Variants in STX7 observed in about 807,000 individuals in gnomAD.
STX7 encodes syntaxin 7.
Under a neutral mutation model 39.6 loss-of-function variants are expected in STX7, and 34 were observed. That is an observed-to-expected ratio of 0.86 (90% CI 0.65 to 1.14). The LOEUF (loss-of-function observed/expected upper bound fraction) is 1.14, where lower values mean the gene tolerates loss of function less well. Among genes scored for constraint, STX7 ranks in the 50% most tolerant of loss-of-function variants. The pLI, the probability that STX7 is intolerant of heterozygous loss-of-function variation, is 0.00. For synonymous variants in STX7, 119 were observed against 99.1 expected, an observed-to-expected ratio of 1.20 and a Z score of -1.19; for missense variants, 284 against 310.4, an observed-to-expected ratio of 0.92 and a Z score of 0.64.
chr6:132,465,359 C>T (rs915461493), intron 8 of STX7, among the ~76,000 whole-genome samples: 2 of 152,166 alleles, frequency 1.3e-5, no homozygotes, highest in African/African-American at 4.8e-5. Flanking sequence ...GATCCTACCA[C>T]TTCTTCACTG....
intron 2 of STX7, among the ~76,000 whole-genome samples, chr6:132,499,830 CTTAGATATCTAAATGATATCTCAAA>C (rs1305247954): frequency 6.6e-6 from 1 of 152,220 alleles, no homozygotes; most frequent in East Asian, 1.9e-4. Context: ...GATATCTCCA[CTTAGATATCTAAATGATATCTCAAA>C]ATATACTTAG....
chr6:132,483,917 C>G (rs768520944), intron 2 of STX7, among the ~76,000 whole-genome samples: 31 of 152,144 alleles, frequency 2.0e-4, no homozygotes, highest in Non-Finnish European at 4.3e-4. Flanking sequence ...ACTTCATTAT[C>G]TAGCCTTAGG....
intron 1 of STX7, among the ~76,000 whole-genome samples, chr6:132,507,520 T>C (rs1775735204): frequency 6.6e-6 from 1 of 152,246 alleles, no homozygotes; most frequent in South Asian, 2.1e-4. Context: ...TGTATCTTTA[T>C]AGCTTTGCTA....
chr6:132,501,413 T>C (rs1476609404), intron 2 of STX7, among the ~76,000 whole-genome samples: 1 of 152,136 alleles, frequency 6.6e-6, no homozygotes, highest in Non-Finnish European at 1.5e-5. Context: ...TAGCCAGACC[T>C]TCACATGATC....
chr6:132,457,748 T>A lies in STX7; in HGVS notation c.*3010A>T, dbSNP rs1774277830. The A allele has an allele frequency of 6.6e-6, 1 of 152,138 alleles. No individual in the cohort carries two copies. The highest frequency in any genetic ancestry group is 2.4e-5 in the African/African-American group (1 of 41,434). 9.4% of individuals were successfully genotyped at this position (152,138 alleles called of 1,614,324 possible). On this transcript the variant is annotated 3_prime_UTR_variant, in exon 10 of 10. Transcript: ENST00000367941. ...TATCATATTTAAATGAACTTGAAAATGTCATTCAACTCAAATCCCTCAATC... is the reference window on the plus strand; with the variant it reads ...TATCATATTTAAATGAACTTGAAAAAGTCATTCAACTCAAATCCCTCAATC...
At chr6:132,465,157 C>G (rs554320180) in intron 8 of STX7, among the ~76,000 whole-genome samples, 1 of 152,286 alleles carries the variant, frequency 6.6e-6, no homozygotes, top group East Asian at 1.9e-4. Context: ...GTTCACTGAC[C>G]ATACTTTTTC....
rs764444391 is a variant in STX7, at chr6:132,459,768, T to C, written c.*990A>G. On this transcript the variant is annotated 3_prime_UTR_variant, in exon 10 of 10. Transcript: ENST00000367941. ...GGCAAACCTCCAATTGCTTTTTTAA[T>C]GAAGGATGACACAAAATGGCACGCA... 39 of 152,174 alleles carry C rather than the reference T, an allele frequency of 2.6e-4. No homozygotes were observed. Among genetic ancestry groups the C allele is most frequent in the Non-Finnish European group, 5.1e-4 (35 of 68,020 alleles). 9.4% of individuals were successfully genotyped at this position (152,174 alleles called of 1,614,324 possible). A position where few individuals can be genotyped will look rare whatever the true frequency, so the allele number is the denominator to read the frequency against.
At position 132,468,701 on chromosome 6, in the gene STX7, A is replaced by C. The variant is rs1167528476; in HGVS notation, c.538-226T>G. ...CTCTAAAATCAGTTTGTGGCATTAA[A>C]AATACCAAGTGAGCGAGGCAGGATG... On this transcript the variant is annotated intron_variant, in intron 7 of 9. Transcript: ENST00000367941. Among the ~76,000 whole-genome samples, 6 of 145,168 alleles carry C rather than the reference A, an allele frequency of 4.1e-5. No individual in the cohort carries two copies. In the East Asian group the frequency reaches 1.2e-3, roughly 29 times the overall value.
rs2114334771 is a variant in STX7, at chr6:132,457,712, C to CTATTT, written c.*3045_*3046insAAATA. ...AGGAAAGACAGATGTTATTTACCAC[C>CTATTT]AATGAATTTTTATCATATTTAAATG... On this transcript the variant is annotated 3_prime_UTR_variant, in exon 10 of 10. Transcript: ENST00000367941. 1 of 152,146 alleles carries CTATTT rather than the reference C, an allele frequency of 6.6e-6. No individual in the cohort carries two copies. Among genetic ancestry groups the CTATTT allele is most frequent in the East Asian group, 1.9e-4 (1 of 5,178 alleles). 9.4% of individuals were successfully genotyped at this position (152,146 alleles called of 1,614,324 possible).
At position 132,451,144 on chromosome 6, in the gene STX7, C is replaced by G. The variant is rs1774128018; in HGVS notation, c.*9614G>C. On this transcript the variant is annotated 3_prime_UTR_variant, in exon 10 of 10. Coordinates refer to ENST00000367941, the MANE Select transcript of STX7 (RefSeq NM_003569.3). ...AAGGAGTCTCGTTCTGTTGCTCAGA[C>G]TGGAGTACAGTGGTGCGATCTCAGC... 1.3e-5 allele frequency: 2 copies of G among 149,816 alleles called. No homozygotes were observed. The highest frequency in any genetic ancestry group is 1.3e-4 in the Admixed American group (2 of 15,028). The allele number at this position is 149,816 out of a possible 1,614,324, so 9.3% of individuals were successfully genotyped here.
At chr6:132,512,874 CCCGAGT>C (rs1434975483) in intron 1 of STX7, 127 bp downstream of exon 1, 1 of 152,214 alleles carries the variant, frequency 6.6e-6, no homozygotes, top group Non-Finnish European at 1.5e-5. Flanking sequence ...TTCCTAGCCT[CCCGAGT>C]GCCTGCTGCA....
rs1774254969 is a variant in STX7 at position 132,456,811 on chromosome 6, A to G, written c.*3947T>C. ...CTTCTCTTTCTAGAATGTCCTCTGCAGTGCAGGTAGACCAGAAACCACACT... is the reference window on the plus strand; with the variant it reads ...CTTCTCTTTCTAGAATGTCCTCTGCGGTGCAGGTAGACCAGAAACCACACT... On this transcript the variant is annotated 3_prime_UTR_variant, in exon 10 of 10. Transcript: ENST00000367941. 6.6e-6 allele frequency: 1 copy of G among 152,252 alleles called. No homozygotes were observed. Among genetic ancestry groups the G allele is most frequent in the African/African-American group, 2.4e-5 (1 of 41,464 alleles). 9.4% of individuals were successfully genotyped at this position (152,252 alleles called of 1,614,324 possible).
intron 2 of STX7, among the ~76,000 whole-genome samples, chr6:132,487,234 A>G (rs1775158451): frequency 6.6e-6 from 1 of 152,150 alleles, no homozygotes; most frequent in South Asian, 2.1e-4. Context: ...GAATTTATCC[A>G]TTTCATCTAA....
intron 2 of STX7, among the ~76,000 whole-genome samples, chr6:132,477,808 T>C (rs952219257): frequency 1.3e-5 from 2 of 152,226 alleles, no homozygotes; most frequent in African/African-American, 2.4e-5. Flanking sequence ...CAGGTTATGA[T>C]GAGGAAAGAG....
At chr6:132,491,374 A>G (rs1219965348) in intron 2 of STX7, among the ~76,000 whole-genome samples, 2 of 152,154 alleles carry the variant, frequency 1.3e-5, no homozygotes, top group Non-Finnish European at 2.9e-5. Flanking sequence ...CTAACTAGAG[A>G]CTGAAGGAAC....
chr6:132,483,230 G>A (rs1484364039), intron 2 of STX7, among the ~76,000 whole-genome samples: 1 of 152,120 alleles, frequency 6.6e-6, no homozygotes, highest in African/African-American at 2.4e-5. Context: ...CATAGTATTT[G>A]CATATAACCT....
At chr6:132,467,028 C>T (rs933449411) in intron 8 of STX7, among the ~76,000 whole-genome samples, 1 of 152,196 alleles carries the variant, frequency 6.6e-6, no homozygotes, top group African/African-American at 2.4e-5. Context: ...GATTGAGCAT[C>T]TGGATGACTG....
chr6:132,480,209 G>T (rs1170573075), intron 2 of STX7, among the ~76,000 whole-genome samples: 1 of 152,128 alleles, frequency 6.6e-6, no homozygotes, highest in Non-Finnish European at 1.5e-5. Flanking sequence ...AGGACAATGG[G>T]ATTCACTGCT....
chr6:132,474,130 A>G (rs1463957781), intron 3 of STX7, among the ~76,000 whole-genome samples: 1 of 142,314 alleles, frequency 7.0e-6, no homozygotes, highest in Non-Finnish European at 1.5e-5. Flanking sequence ...CAGTAGGCTG[A>G]GGTGGGAGAA....
Sources: allele counts gnomAD v4.1 joint callset (sites outside exome capture counted in the v4.1 genomes callset), GRCh38; gene constraint gnomAD v4.1.1; transcripts MANE v1.5; gene names NCBI Gene and HGNC (gene_info 2026-07-23, HGNC 2026-07-21).